BRCA2: variants seen among roughly 807,000 people sequenced by gnomAD.
BRCA2 encodes the protein BRCA2 DNA repair associated, also known as breast cancer type 2 susceptibility protein.
BRCA2 carries 203 observed loss-of-function variants against 276.7 expected under a neutral mutation model. The observed-to-expected ratio is 0.73, with a 90% confidence interval of 0.65 to 0.82. The LOEUF is 0.82. Ranked by LOEUF, BRCA2 falls within the 40% of genes least tolerant of loss-of-function variation. The pLI is 0.00. For missense variants in BRCA2, 3,920 were observed against 3,915.0 expected, an observed-to-expected ratio of 1.00 and a Z score of -0.03; for synonymous variants, 1,289 against 1,338.4, an observed-to-expected ratio of 0.96 and a Z score of 0.81.
chr13:32,381,342 T>G (rs1247574754), intron 24 of BRCA2, among the ~76,000 whole-genome samples: 1 of 152,146 alleles, frequency 6.6e-6, no homozygotes, highest in Non-Finnish European at 1.5e-5. Context: ...GTGTATAGTT[T>G]TTTTAGTGCT....
rs2137497330 is a variant in BRCA2, at chr13:32,337,860, A to C, written c.3505A>C (p.Asn1169His). 1 of 1,614,102 alleles carries C rather than the reference A, an allele frequency of 6.2e-7. No individual in the cohort carries two copies. Among genetic ancestry groups the C allele is most frequent in the Non-Finnish European group, 8.5e-7 (1 of 1,179,976 alleles). ...AGATGCTGATCTTCATGTCATAATG[A>C]ATGCCCCATCGATTGGTCAGGTAGA... Reference protein sequence around the residue: ...CRDADLHVIMNAPSIGQVDSS... With the variant: ...CRDADLHVIMHAPSIGQVDSS... The change falls in exon 11 of 27, where the codon AAT (asparagine) becomes CAT (histidine). Residue 1169 changes from asparagine (N) to histidine (H), a missense_variant. Physicochemically the swap from Asn to His is moderately conservative, Grantham distance 68. Around this residue, in one of 2 missense-constraint regions of BRCA2, gnomAD observed 3,263 missense variants for 3,156.9 expected, o/e 1.03. Coordinates refer to ENST00000380152, the MANE Select transcript of BRCA2 (RefSeq NM_000059.4).
chr13:32,333,244 A>C lies in BRCA2; in HGVS notation c.1766A>C (p.Lys589Thr). 6.2e-7 allele frequency: 1 copy of C among 1,612,300 alleles called. No individual in the cohort carries two copies. Among genetic ancestry groups the C allele is most frequent in the Non-Finnish European group, 8.5e-7 (1 of 1,178,978 alleles). Residue 589 changes from lysine (K) to threonine (T), a missense_variant, in exon 10 of 27, where the codon AAG (lysine) becomes ACG (threonine). Lys to Thr is a moderately conservative substitution (Grantham distance 78). Coordinates refer to ENST00000380152, the MANE Select transcript of BRCA2 (RefSeq NM_000059.4). The part of the protein sequence containing the change: ...LISTLKKKTN[K>T]FIYAIHDETS... ...TCCACTTTGAAAAAGAAAACAAATA[A>C]GTTTATTTATGCTATACATGATGAA...
chr13:32,317,505 T>C (rs931368861), intron 2 of BRCA2, among the ~76,000 whole-genome samples: 2 of 152,246 alleles, frequency 1.3e-5, no homozygotes, highest in Non-Finnish European at 2.9e-5. Context: ...CCTTGTACTT[T>C]GCATAGATTT....
rs1555281364 is a variant in BRCA2, at chr13:32,329,497, G to A, written c.681+5G>A. On this transcript the variant is annotated splice_donor_5th_base_variant and intron_variant, in intron 8 of 26. Transcript: ENST00000380152. ...TTTCCTCATGATACTACTGCTGTAA[G>A]TAAATATGACATTGATTAGACTGTT... 1 of 1,588,744 alleles carries A rather than the reference G, an allele frequency of 6.3e-7. No individual in the cohort carries two copies. Among genetic ancestry groups the A allele is most frequent in the Non-Finnish European group, 8.6e-7 (1 of 1,159,260 alleles).
intron 16 of BRCA2, among the ~76,000 whole-genome samples, chr13:32,358,813 A>G (rs1175496471): frequency 6.6e-6 from 1 of 151,880 alleles, no homozygotes; most frequent in Non-Finnish European, 1.5e-5. Flanking sequence ...GCATGCCCGT[A>G]ATCCCAGCTA....
rs11571644 is a variant in BRCA2, at chr13:32,333,719, A to G, written c.1909+332A>G. Reference sequence around the variant, plus strand: ...GCACCTGTCAACCCTTCACCTGAGTATTAAGCCCAGCATGCATTAGCTATT... The same window carrying G: ...GCACCTGTCAACCCTTCACCTGAGTGTTAAGCCCAGCATGCATTAGCTATT... On this transcript the variant is annotated intron_variant, in intron 10 of 26. Coordinates refer to ENST00000380152, the MANE Select transcript of BRCA2 (RefSeq NM_000059.4). 0.03 allele frequency among the ~76,000 whole-genome samples: 4,596 copies of G among 152,194 alleles called. 229 individuals are homozygous for G. The highest frequency in any genetic ancestry group is 0.1 in the African/African-American group (4,340 of 41,486).
chr13:32,381,332 G>A lies in BRCA2; in HGVS notation c.9256+1187G>A, dbSNP rs546911478. ...AAACAAAGAAATAAGTAATATACAT[G>A]TGTATAGTTTTTTTAGTGCTCAGAA... On this transcript the variant is annotated intron_variant, in intron 24 of 26. Transcript: ENST00000380152. Among the ~76,000 whole-genome samples the A allele has an allele frequency of 3.7e-4, 56 of 152,262 alleles. No homozygotes were observed. In the Middle Eastern group the frequency reaches 0.01, roughly 28 times the overall value.
chr13:32,372,010 A>C (rs1292029317), intron 20 of BRCA2, among the ~76,000 whole-genome samples: 1 of 152,370 alleles, frequency 6.6e-6, no homozygotes, highest in East Asian at 1.9e-4. Context: ...CTGAGTGATC[A>C]GAGTGGTAGT....
chr13:32,380,880 A>C lies in BRCA2; in HGVS notation c.9256+735A>C, dbSNP rs183447021. ...TTTTATTGAATATATGGTCTTACTA[A>C]GTTCAATAGCATGAATCTGTTGTGA... On this transcript the variant is annotated intron_variant, in intron 24 of 26. Coordinates refer to ENST00000380152, the MANE Select transcript of BRCA2 (RefSeq NM_000059.4). 1.1e-3 allele frequency among the ~76,000 whole-genome samples: 174 copies of C among 152,288 alleles called. 2 individuals are homozygous for C. The South Asian group carries it at 0.027, about 24-fold the overall frequency.
intron 17 of BRCA2, 88 bp downstream of exon 17, chr13:32,362,781 G>A: frequency 6.9e-7 from 1 of 1,442,550 alleles, no homozygotes; most frequent in South Asian, 1.2e-5. Flanking sequence ...TCAAAATGTT[G>A]CACAAGCCAG....
intron 24 of BRCA2, chr13:32,384,719 CT>C: frequency 4.1e-6 from 1 of 241,740 alleles, no homozygotes. Flanking sequence ...TAAGATGTTA[CT>C]TTACATGGGA....
rs1472046833 is a variant in BRCA2 at position 32,381,606 on chromosome 13, A to G, written c.9256+1461A>G. ...CAGAGACCAGAGAGTGAGAAGTAAC[A>G]TCCAGGGACAGAGGCAGTGAAGAGC... On this transcript the variant is annotated intron_variant, in intron 24 of 26. Coordinates refer to ENST00000380152, the MANE Select transcript of BRCA2 (RefSeq NM_000059.4). Among the ~76,000 whole-genome samples, 3 of 152,280 alleles carry G rather than the reference A, an allele frequency of 2.0e-5. No individual in the cohort carries two copies. The South Asian group carries it at 6.2e-4, about 32-fold the overall frequency.
At chr13:32,356,933 T>G (rs2072702721) in intron 15 of BRCA2, among the ~76,000 whole-genome samples, 1 of 152,236 alleles carries the variant, frequency 6.6e-6, no homozygotes, top group East Asian at 1.9e-4. Context: ...CTGATAGCCC[T>G]GAACCTTCTA....
At chr13:32,381,280 A>T (rs1018234203) in intron 24 of BRCA2, among the ~76,000 whole-genome samples, 1 of 152,190 alleles carries the variant, frequency 6.6e-6, no homozygotes, top group African/African-American at 2.4e-5. Flanking sequence ...TAGAGCTTAC[A>T]TTATGAGGTT....
intron 7 of BRCA2, 139 bp from the exon 8 acceptor site, chr13:32,329,304 C>T: frequency 1.6e-6 from 1 of 626,258 alleles, no homozygotes; most frequent in Non-Finnish European, 2.9e-6. Flanking sequence ...AATTACTATA[C>T]TTAAGTACTT....
intron 24 of BRCA2, among the ~76,000 whole-genome samples, chr13:32,381,867 G>A (rs1265974719): frequency 6.6e-6 from 1 of 152,194 alleles, no homozygotes; most frequent in African/African-American, 2.4e-5. Flanking sequence ...GTGAGAAGCA[G>A]TCAGATTCTT....
intron 3 of BRCA2, among the ~76,000 whole-genome samples, chr13:32,320,400 C>T (rs1566216484): frequency 6.6e-6 from 1 of 152,214 alleles, no homozygotes; most frequent in Non-Finnish European, 1.5e-5. Context: ...TTCATCCTCT[C>T]ACCTATCTTC....
Position 32,398,244 on chromosome 13 carries a change from T to C in BRCA2, c.9731T>C (p.Val3244Ala), listed in dbSNP as rs2137663306. The change falls in exon 27 of 27, where the codon GTC becomes GCC. Residue 3244 changes from valine to alanine, a missense_variant. Around this residue, in one of 2 missense-constraint regions of BRCA2, gnomAD observed 657 missense variants for 758.2 expected, o/e 0.87. Coordinates refer to ENST00000380152, the MANE Select transcript of BRCA2 (RefSeq NM_000059.4). The stretch of plus-strand genomic sequence containing the variant: ...AAAAGGAAGTCTGTTTCCACACCTG[T>C]CTCAGCCCAGATGACTTCAAAGTCT... ...MAKRKSVSTP[V>A]SAQMTSKSCK... 6.2e-7 allele frequency: 1 copy of C among 1,614,114 alleles called. No homozygotes were observed. Among genetic ancestry groups the C allele is most frequent in the Non-Finnish European group, 8.5e-7 (1 of 1,180,000 alleles).
intron 26 of BRCA2, among the ~76,000 whole-genome samples, chr13:32,397,936 T>A (rs55807920): frequency 2.8e-4 from 43 of 152,310 alleles, no homozygotes; most frequent in African/African-American, 9.6e-4. Flanking sequence ...GTGATTATTC[T>A]TCATCTTCCT....
Sources: allele counts gnomAD v4.1 joint callset (sites outside exome capture counted in the v4.1 genomes callset), GRCh38; gene constraint gnomAD v4.1.1; regional missense constraint gnomAD v4.1.1; transcripts MANE v1.5; gene names NCBI Gene and HGNC (gene_info 2026-07-23, HGNC 2026-07-21).